TEX10: variants seen among roughly 807,000 people sequenced by gnomAD.
TEX10 encodes the protein testis-expressed protein 10.
A neutral mutation model predicts 104.4 loss-of-function variants in TEX10; 24 were observed. The observed-to-expected ratio is 0.23, with a 90% CI of 0.17 to 0.32. The LOEUF is 0.32. Among genes scored for constraint, TEX10 ranks in the 10% least tolerant of loss-of-function variants. The pLI is 1.00. For synonymous variants in TEX10, 396 were observed against 393.4 expected (o/e 1.01, Z -0.08); for missense variants, 921 against 1,083.9 (o/e 0.85, Z 2.11).
At chr9:100,333,636 TA>T (rs60509628) in intron 5 of TEX10, among the ~76,000 whole-genome samples, 18,365 of 109,546 alleles carry the variant, frequency 0.17, 1,102 homozygotes, top group African/African-American at 0.2. Flanking sequence ...GACCCCATCA[TA>T]AAAAAAAAAA....
intron 7 of TEX10, 57 bp from the exon 8 acceptor site, chr9:100,328,019 T>TA: frequency 7.3e-7 from 1 of 1,366,710 alleles, no homozygotes; most frequent in Non-Finnish European, 9.6e-7. Flanking sequence ...GAAATAAATT[T>TA]AAACAAAAAA....
chr9:100,328,066 CTAAT>C (rs1213820781), intron 7 of TEX10, 104 bp from the exon 8 acceptor site: 3 of 843,420 alleles, frequency 3.6e-6, no homozygotes, highest in African/African-American at 1.7e-5. Context: ...CACAAAGTGA[CTAAT>C]TATGTATCAA....
chr9:100,320,515 T>C, intron 10 of TEX10, 117 bp from the exon 11 acceptor site: 1 of 1,164,830 alleles, frequency 8.6e-7, no homozygotes, highest in Non-Finnish European at 1.2e-6. Context: ...GCTACCTTGT[T>C]TTCTCTGAGC....
At chr9:100,352,100 G>A (rs939596159) in intron 1 of TEX10, among the ~76,000 whole-genome samples, 1 of 152,152 alleles carries the variant, frequency 6.6e-6, no homozygotes. Flanking sequence ...TAGTTTGCCT[G>A]CCACCTTCTT....
rs1564199043 is a variant in TEX10, at chr9:100,302,314, AAAAC to A, written c.2677-14_2677-11del. 1.3e-6 allele frequency: 2 copies of A among 1,590,760 alleles called. No individual in the cohort carries two copies. The highest frequency in any genetic ancestry group is 1.3e-5 in the African/African-American group (1 of 74,366). On this transcript the variant is annotated splice_polypyrimidine_tract_variant and intron_variant, in intron 14 of 14. Coordinates refer to ENST00000374902, the MANE Select transcript of TEX10 (RefSeq NM_017746.4). The stretch of plus-strand genomic sequence containing the variant: ...TTCCACTCTTCAATGTCTGGAGAGA[AAAAC>A]AAGAGTAATCTGAGAACTGCACCCA...
chr9:100,340,488 GTAATA>G lies in TEX10; in HGVS notation c.1138-124_1138-120del, dbSNP rs1337080997. ...TCCCATCATAATTCACTTTCTACCA[GTAATA>G]TAATATGTAAATAAATTTAAAAATC... On this transcript the variant is annotated intron_variant, in intron 4 of 14. Transcript: ENST00000374902. 3.2e-5 allele frequency: 18 copies of G among 568,660 alleles called. 1 individual carries two copies. The highest frequency in any genetic ancestry group is 4.7e-4 in the Middle Eastern group (1 of 2,146). The allele number at this position is 568,660 out of a possible 1,614,324, so 35.2% of individuals were successfully genotyped here. A position where few individuals can be genotyped will look rare whatever the true frequency, so the allele number is the denominator to read the frequency against.
chr9:100,330,123 G>T lies in TEX10; in HGVS notation c.1297C>A (p.Leu433Met). Residue 433 changes from leucine (L) to methionine (M), a missense_variant, in exon 6 of 15, where the codon CTG (leucine) becomes ATG (methionine). By Grantham distance (15) the Leu-to-Met change is conservative. Transcript: ENST00000374902. The part of the protein sequence containing the change: ...VLSNNIDHLL[L>M]NLTLSDIMVS... ...ATGATATCAGACAGTGTTAAATTCA[G>T]TAAGAGATGATCTATGTTATTGGAG... The T allele has an allele frequency of 6.2e-7, 1 of 1,613,930 alleles. No homozygotes were observed. Among genetic ancestry groups the T allele is most frequent in the Non-Finnish European group, 8.5e-7 (1 of 1,179,940 alleles).
chr9:100,329,428 T>G (rs565332757), intron 6 of TEX10, among the ~76,000 whole-genome samples, 153 bp from the exon 7 acceptor site: 16 of 152,250 alleles, frequency 1.1e-4, no homozygotes, highest in South Asian at 4.1e-4. Flanking sequence ...CCTATAGCAA[T>G]AGCCTAATAA....
At chr9:100,306,265 A>C (rs1309331594) in intron 13 of TEX10, 1 of 152,192 alleles carries the variant, frequency 6.6e-6, no homozygotes, top group African/African-American at 2.4e-5. Flanking sequence ...ATGGTTAAAA[A>C]TTAATAATAA....
chr9:100,336,470 G>A (rs560795941), intron 5 of TEX10, among the ~76,000 whole-genome samples: 4 of 152,224 alleles, frequency 2.6e-5, no homozygotes, highest in South Asian at 2.1e-4. Context: ...CTGTGCATGC[G>A]AGGGATCTAC....
intron 9 of TEX10, among the ~76,000 whole-genome samples, chr9:100,323,097 T>G: frequency 6.6e-6 from 1 of 152,188 alleles, no homozygotes; most frequent in East Asian, 1.9e-4. Context: ...ACTATTATCT[T>G]CTTGACCTCA....
chr9:100,336,750 T>C (rs1835020736), intron 5 of TEX10, among the ~76,000 whole-genome samples: 1 of 152,208 alleles, frequency 6.6e-6, no homozygotes, highest in African/African-American at 2.4e-5. Flanking sequence ...TAGTCCCTCA[T>C]AGCAAAATGG....
In TEX10 at chr9:100,349,200, C is replaced by G; in HGVS notation, c.164G>C (p.Arg55Thr). The G allele has an allele frequency of 1.3e-6, 2 of 1,542,968 alleles. No individual in the cohort carries two copies. Among genetic ancestry groups the G allele is most frequent in the Non-Finnish European group, 1.7e-6 (2 of 1,153,500 alleles). The change falls in exon 2 of 15, where the codon AGA becomes ACA. Residue 55 changes from arginine to threonine, a missense_variant. Arg to Thr is a moderately conservative substitution (Grantham distance 71). Around this residue, in one of 3 missense-constraint regions of TEX10, gnomAD observed 118 missense variants for 111.3 expected, o/e 1.06. Transcript: ENST00000374902. ...KEDGTLPTNN[R>T]KLNIKDLLSQ... ...ATGATTTACCTTTATGTTAAGTTTTCTATTGTTTGTTGGAAGTGTTCCATC... is the reference window on the plus strand; with the variant it reads ...ATGATTTACCTTTATGTTAAGTTTTGTATTGTTTGTTGGAAGTGTTCCATC...
chr9:100,307,507 C>T (rs1207797178), intron 13 of TEX10: 1 of 152,106 alleles, frequency 6.6e-6, no homozygotes, highest in Non-Finnish European at 1.5e-5. Flanking sequence ...ATCTCAAAAG[C>T]AATGCTGAGA....
At chr9:100,306,045 C>G (rs1427780816) in intron 13 of TEX10, 1 of 152,044 alleles carries the variant, frequency 6.6e-6, no homozygotes, top group East Asian at 1.9e-4. Context: ...ACCAATAAAC[C>G]AAGAACACGC....
chr9:100,321,607 A>G, intron 10 of TEX10, 76 bp downstream of exon 10: 1 of 1,225,620 alleles, frequency 8.2e-7, no homozygotes, highest in South Asian at 1.3e-5. Flanking sequence ...AACTGATAAA[A>G]TGGCAAATCT....
chr9:100,337,543 TC>T (rs1406255363), intron 5 of TEX10, among the ~76,000 whole-genome samples: 5 of 152,218 alleles, frequency 3.3e-5, no homozygotes, highest in African/African-American at 1.2e-4. Flanking sequence ...AAGTCTAACA[TC>T]TTGCTCAATA....
chr9:100,339,274 A>AAAAAAAAAAATAT (rs1835101688), intron 5 of TEX10, among the ~76,000 whole-genome samples: 7 of 91,702 alleles, frequency 7.6e-5, no homozygotes, highest in African/African-American at 3.2e-4. Flanking sequence ...AAAAAAAAAA[A>AAAAAAAAAAATAT]GTATATATAT....
intron 7 of TEX10, among the ~76,000 whole-genome samples, chr9:100,328,776 A>G (rs1326159934): frequency 6.6e-6 from 1 of 152,142 alleles, no homozygotes; most frequent in Admixed American, 6.5e-5. Context: ...CTCATCTTCT[A>G]TTGCCCTCAC....
Sources: gnomAD v4.1 joint callset for allele counts (sites outside exome capture counted in the v4.1 genomes callset) on GRCh38, gnomAD v4.1.1 for gene constraint, gnomAD v4.1.1 regional missense constraint, MANE v1.5 for transcripts, NCBI Gene and HGNC (gene_info 2026-07-23, HGNC 2026-07-21) for gene names.